PCNT: variants seen among roughly 807,000 people sequenced by gnomAD.
The protein encoded by PCNT is kendrin.
A neutral mutation model predicts 380.4 loss-of-function variants in PCNT; 319 were observed. The observed-to-expected ratio is 0.84, with a 90% CI of 0.77 to 0.92. PCNT has a LOEUF of 0.92. PCNT is among the 40% of genes least tolerant of loss of function. PCNT has a pLI of 0.00. For synonymous variants in PCNT, 1,845 were observed against 1,735.2 expected (o/e 1.06, Z -1.57); for missense variants, 4,400 against 4,255.3 (o/e 1.03, Z -0.95).
chr21:46,398,712 C>T (rs2086293043), intron 24 of PCNT, among the ~76,000 whole-genome samples: 1 of 152,208 alleles, frequency 6.6e-6, no homozygotes, highest in Admixed American at 6.5e-5. Flanking sequence ...GGGGGATTGA[C>T]ACCATTCACC....
rs931352463 is a variant in PCNT, at chr21:46,416,696, C to G, written c.6778C>G (p.Leu2260Val). 2.6e-6 allele frequency: 4 copies of G among 1,568,420 alleles called. No individual in the cohort carries two copies. Among genetic ancestry groups the G allele is most frequent in the Non-Finnish European group, 3.5e-6 (4 of 1,156,678 alleles). The change falls in exon 30 of 47, where the codon CTG becomes GTG. Residue 2260 changes from leucine to valine, a missense_variant. By Grantham distance (32) the Leu-to-Val change is conservative. Coordinates refer to ENST00000359568, the MANE Select transcript of PCNT (RefSeq NM_006031.6). ...GAGCCTGTGCAGTGCCGACACATCCCTGGGGGACAGGGCGGACACCTCGCT... is the reference window on the plus strand; with the variant it reads ...GAGCCTGTGCAGTGCCGACACATCCGTGGGGGACAGGGCGGACACCTCGCT... ...ALSLCSADTS[L>V]GDRADTSLPQ... is the part of the protein sequence containing the mutation.
intron 27 of PCNT, among the ~76,000 whole-genome samples, chr21:46,403,023 G>C (rs1012102111): frequency 6.6e-6 from 1 of 152,254 alleles, no homozygotes; most frequent in Non-Finnish European, 1.5e-5. Flanking sequence ...CCTGTTTATA[G>C]TAGAGATGAT....
chr21:46,445,444 C>T lies in PCNT; in HGVS notation c.*117C>T. The T allele has an allele frequency of 1.2e-6, 1 of 832,856 alleles. No individual in the cohort carries two copies. The highest frequency in any genetic ancestry group is 1.3e-5 in the South Asian group (1 of 74,460). The allele number at this position is 832,856 out of a possible 1,614,324, so 51.6% of individuals were successfully genotyped here. A position where few individuals can be genotyped will look rare whatever the true frequency, so the allele number is the denominator to read the frequency against. On this transcript the variant is annotated 3_prime_UTR_variant, in exon 47 of 47. Coordinates refer to ENST00000359568, the MANE Select transcript of PCNT (RefSeq NM_006031.6). Reference sequence around the variant, plus strand: ...GCACTACTCTTCATGTGCGGTGACACCAGCCCCCAGATGCCTTGAATTAAG... The same window carrying T: ...GCACTACTCTTCATGTGCGGTGACATCAGCCCCCAGATGCCTTGAATTAAG...
intron 29 of PCNT, among the ~76,000 whole-genome samples, chr21:46,413,259 C>A (rs1190721340): frequency 8.1e-6 from 1 of 123,942 alleles, no homozygotes; most frequent in African/African-American, 3.7e-5. Flanking sequence ...GGCGTGAGGC[C>A]CCCCTGGGAG....
In PCNT at chr21:46,402,500, C is replaced by G; in HGVS notation, c.5115+17C>G. On this transcript the variant is annotated intron_variant, in intron 27 of 46. Coordinates refer to ENST00000359568, the MANE Select transcript of PCNT (RefSeq NM_006031.6). ...AGCTTGAAGGTAAGCTACCAAAGGT[C>G]CACGTGACGCCCGAGTTCATGTTGC... 1 of 1,613,556 alleles carries G rather than the reference C, an allele frequency of 6.2e-7. No individual in the cohort carries two copies. Among genetic ancestry groups the G allele is most frequent in the East Asian group, 2.2e-5 (1 of 44,860 alleles).
At chr21:46,366,417 T>A (rs2084930375) in intron 14 of PCNT, among the ~76,000 whole-genome samples, 167 bp from the exon 15 acceptor site, 1 of 152,186 alleles carries the variant, frequency 6.6e-6, no homozygotes, top group African/African-American at 2.4e-5. Flanking sequence ...CTCTCCCACT[T>A]ACTATTTCTG....
At chr21:46,420,800 G>C (rs1227319304) in intron 31 of PCNT, 2 of 152,336 alleles carry the variant, frequency 1.3e-5, no homozygotes, top group Admixed American at 1.3e-4. Flanking sequence ...GGGAGCCGCA[G>C]CTCAGGCAGA....
intron 29 of PCNT, among the ~76,000 whole-genome samples, chr21:46,415,620 T>A (rs2086997394): frequency 6.6e-6 from 1 of 152,006 alleles, no homozygotes; most frequent in Non-Finnish European, 1.5e-5. Flanking sequence ...CCTGACCTCG[T>A]GATCCACCTG....
intron 3 of PCNT, among the ~76,000 whole-genome samples, chr21:46,345,868 A>G (rs1255807911): frequency 6.6e-6 from 1 of 152,154 alleles, no homozygotes; most frequent in African/African-American, 2.4e-5. Flanking sequence ...ACTCAGCCTC[A>G]CGTCTTCAGG....
chr21:46,379,221 CT>C (rs1601893112), intron 15 of PCNT, among the ~76,000 whole-genome samples: 3 of 152,240 alleles, frequency 2.0e-5, no homozygotes, highest in Non-Finnish European at 4.4e-5. Flanking sequence ...GCTGCCTCCC[CT>C]GTCATCCGGG....
chr21:46,367,103 C>A lies in PCNT; in HGVS notation c.3129C>A (p.Ala1043=). The A allele has an allele frequency of 6.2e-7, 1 of 1,613,478 alleles. No homozygotes were observed. The highest frequency in any genetic ancestry group is 8.5e-7 in the Non-Finnish European group (1 of 1,180,010). ...GAACCGAAGTGAGCACAGAGCTCGC[C>A]GGAACCGTGGCTCACGAGCTGCAGG... is the stretch of plus-strand genomic sequence containing the variant. ...HLRTEVSTEL[A]GTVAHELQGV... The change falls in exon 15 of 47, where the codon GCC becomes GCA. Residue 1043 remains alanine (A), a synonymous_variant. Transcript: ENST00000359568.
At chr21:46,355,048 G>A (rs1309207654) in intron 11 of PCNT, among the ~76,000 whole-genome samples, 1 of 152,220 alleles carries the variant, frequency 6.6e-6, no homozygotes, top group Admixed American at 6.5e-5. Context: ...CCAGCTGTTA[G>A]TGGGCAGTGG....
chr21:46,400,804 A>G (rs1352522242), intron 25 of PCNT, among the ~76,000 whole-genome samples: 1 of 152,098 alleles, frequency 6.6e-6, no homozygotes, highest in Non-Finnish European at 1.5e-5. Flanking sequence ...ACAGGCGTGA[A>G]CCACCACGCC....
chr21:46,442,598 G>T (rs776778980), intron 44 of PCNT, 25 bp downstream of exon 44: 3 of 1,433,468 alleles, frequency 2.1e-6, no homozygotes, highest in Non-Finnish European at 2.0e-6. Flanking sequence ...GCTGTTGACC[G>T]CTGGACTCAC....
chr21:46,340,064 A>T (rs2083869199), intron 3 of PCNT, among the ~76,000 whole-genome samples: 1 of 152,194 alleles, frequency 6.6e-6, no homozygotes, highest in African/African-American at 2.4e-5. Context: ...TAATGGACTC[A>T]CAGTTCCACG....
chr21:46,405,145 A>C (rs2086586633), intron 27 of PCNT, among the ~76,000 whole-genome samples: 1 of 152,216 alleles, frequency 6.6e-6, no homozygotes, highest in South Asian at 2.1e-4. Context: ...AGATAGGAAG[A>C]TCACTTGAGC....
intron 38 of PCNT, among the ~76,000 whole-genome samples, chr21:46,433,810 C>CTT (rs1005139373): frequency 3.6e-4 from 54 of 152,068 alleles, no homozygotes; most frequent in African/African-American, 1.3e-3. Context: ...CTCGCTCTGT[C>CTT]TTCCAAGCTG....
At chr21:46,417,993 T>C (rs2087100822) in intron 30 of PCNT, among the ~76,000 whole-genome samples, 1 of 152,228 alleles carries the variant, frequency 6.6e-6, no homozygotes, top group Non-Finnish European at 1.5e-5. Context: ...ATATTTACTA[T>C]TGGCTACATT....
rs764010211 is a variant in PCNT, at chr21:46,431,732, G to T, written c.8268G>T (p.Glu2756Asp). Residue 2756 changes from glutamate to aspartate, a missense_variant, in exon 38 of 47, where the codon GAG (glutamate) becomes GAT (aspartate). Physicochemically the swap from Glu to Asp is conservative, Grantham distance 45. Transcript: ENST00000359568. Reference sequence around the variant, plus strand: ...CGGCTGAGAAGAGCCGCACCCTGGAGCTGTCAGAGGCCTTGCGGCACGAGC... The same window carrying T: ...CGGCTGAGAAGAGCCGCACCCTGGATCTGTCAGAGGCCTTGCGGCACGAGC... ...DLAAEKSRTL[E>D]LSEALRHERL... The T allele has an allele frequency of 5.6e-6, 9 of 1,612,340 alleles. No individual in the cohort carries two copies. The East Asian group carries it at 2.0e-4, about 36-fold the overall frequency.
Sources: allele counts gnomAD v4.1 joint callset (sites outside exome capture counted in the v4.1 genomes callset), GRCh38; gene constraint gnomAD v4.1.1; transcripts MANE v1.5; gene names NCBI Gene and HGNC (gene_info 2026-07-23, HGNC 2026-07-21).